Variants in GNA12 observed in about 807,000 individuals in gnomAD.
GNA12 encodes the protein G protein subunit alpha 12.
GNA12 carries 9 observed loss-of-function variants against 26.0 expected under a neutral mutation model. The observed-to-expected ratio is 0.35, with a 90% CI of 0.21 to 0.60. GNA12 has a LOEUF of 0.60. Ranked by LOEUF, GNA12 falls within the 20% of genes least tolerant of loss-of-function variation. The pLI, the probability that GNA12 is intolerant of heterozygous loss-of-function variation, is 0.78. For missense variants in GNA12, 405 were observed against 525.8 expected (o/e 0.77, Z 2.25); for synonymous variants, 264 against 219.6 (o/e 1.20, Z -1.79).
intron 1 of GNA12, among the ~76,000 whole-genome samples, chr7:2,824,094 C>G (rs1325847606): frequency 6.6e-6 from 1 of 152,194 alleles, no homozygotes; most frequent in Non-Finnish European, 1.5e-5. Context: ...AACATCAACA[C>G]TTTCACAACA....
intron 1 of GNA12, among the ~76,000 whole-genome samples, chr7:2,797,680 A>G (rs573169042): frequency 6.6e-6 from 1 of 152,288 alleles, no homozygotes; most frequent in East Asian, 1.9e-4. Flanking sequence ...ACTGAGTCAG[A>G]CGTAATGATG....
chr7:2,794,582 A>G (rs995005977), intron 2 of GNA12: 2 of 268,670 alleles, frequency 7.4e-6, no homozygotes, highest in East Asian at 1.9e-4. Flanking sequence ...CCACAGGTCC[A>G]AAGTGGGAAG....
chr7:2,843,919 G>A lies in GNA12; in HGVS notation c.243C>T (p.His81=), dbSNP rs1459043000. Residue 81 remains histidine (H), a synonymous_variant, in exon 1 of 4, where the codon CAC becomes CAT. Transcript: ENST00000275364. ...STFLKQMRII[H]GREFDQKALL... ...GCGCCTTCTGGTCGAACTCGCGGCCGTGGATGATGCGCATCTGCTTGAGGA... is the reference window on the plus strand; with the variant it reads ...GCGCCTTCTGGTCGAACTCGCGGCCATGGATGATGCGCATCTGCTTGAGGA... 1.3e-6 allele frequency: 2 copies of A among 1,589,038 alleles called. No individual in the cohort carries two copies. The highest frequency in any genetic ancestry group is 2.3e-5 in the East Asian group (1 of 42,720).
At chr7:2,745,949 C>T (rs966847113) in intron 2 of GNA12, among the ~76,000 whole-genome samples, 2 of 151,994 alleles carry the variant, frequency 1.3e-5, no homozygotes, top group African/African-American at 2.4e-5. Context: ...GTAAAGCGAT[C>T]AATTCAACAA....
intron 1 of GNA12, among the ~76,000 whole-genome samples, chr7:2,803,226 C>T (rs1369513081): frequency 1.3e-5 from 2 of 152,206 alleles, no homozygotes; most frequent in African/African-American, 2.4e-5. Flanking sequence ...AGCCCCATAA[C>T]TGGAAGGACA....
chr7:2,840,367 T>G lies in GNA12; in HGVS notation c.309+3486A>C, dbSNP rs147463280. ...CTCTATCCTCAATTTCCTCATTCAC[T>G]AAATGAGGTAATACCATCTGAAGCA... On this transcript the variant is annotated intron_variant, in intron 1 of 3. Transcript: ENST00000275364. Among the ~76,000 whole-genome samples, 13 of 152,330 alleles carry G rather than the reference T, an allele frequency of 8.5e-5. No homozygotes were observed. In the East Asian group the frequency reaches 1.9e-3, roughly 23 times the overall value.
rs1346890683 is a variant in GNA12, at chr7:2,729,919, A to G, written c.*1262T>C. 1 of 152,390 alleles carries G rather than the reference A, an allele frequency of 6.6e-6. No individual in the cohort carries two copies. Among genetic ancestry groups the G allele is most frequent in the East Asian group, 1.9e-4 (1 of 5,316 alleles). The allele number at this position is 152,390 out of a possible 1,614,324, so 9.4% of individuals were successfully genotyped here. A position where few individuals can be genotyped will look rare whatever the true frequency, so the allele number is the denominator to read the frequency against. ...GCCCAGGACTGGCCAGCTCGTATCA[A>G]CATTCACAGGCTCCCGCGGGCTCCC... On this transcript the variant is annotated 3_prime_UTR_variant, in exon 4 of 4. Coordinates refer to ENST00000275364, the MANE Select transcript of GNA12 (RefSeq NM_007353.3).
At chr7:2,734,998 G>A (rs904975095) in intron 2 of GNA12, among the ~76,000 whole-genome samples, 21 of 152,194 alleles carry the variant, frequency 1.4e-4, no homozygotes, top group African/African-American at 4.8e-4. Flanking sequence ...CCAGCGTGAG[G>A]CCGGTGGGGC....
At chr7:2,761,941 T>C (rs549843313) in intron 2 of GNA12, among the ~76,000 whole-genome samples, 1 of 152,046 alleles carries the variant, frequency 6.6e-6, no homozygotes, top group African/African-American at 2.4e-5. Context: ...AAGGGAAAAA[T>C]GTGGAGTGTC....
intron 1 of GNA12, among the ~76,000 whole-genome samples, chr7:2,796,021 C>G (rs2533885): frequency 2.6e-5 from 4 of 151,692 alleles, no homozygotes; most frequent in East Asian, 1.9e-4. Context: ...CAGACCACCA[C>G]GGACTGCTAA....
chr7:2,772,169 C>A (rs968895766), intron 2 of GNA12, among the ~76,000 whole-genome samples: 1 of 152,182 alleles, frequency 6.6e-6, no homozygotes, highest in African/African-American at 2.4e-5. Flanking sequence ...GGACTCATAT[C>A]GAGAATTCCC....
rs925471956 is a variant in GNA12 at position 2,731,047 on chromosome 7, C to A, written c.*134G>T. ...GCTCGCTGGCTGGCTGGTCTGACAG[C>A]ATTCCTGAGCCAGGTATTCCAGGGC... On this transcript the variant is annotated 3_prime_UTR_variant, in exon 4 of 4. Transcript: ENST00000275364. This position sits in a 1 kb window ranked among gnomAD's most constrained non-coding sequence, Gnocchi z 6.0. 2.2e-4 allele frequency: 134 copies of A among 614,210 alleles called. No individual in the cohort carries two copies. The highest frequency in any genetic ancestry group is 3.4e-4 in the Non-Finnish European group (120 of 351,684). The allele number at this position is 614,210 out of a possible 1,614,324, so 38.0% of individuals were successfully genotyped here.
intron 2 of GNA12, chr7:2,762,327 C>A: frequency 6.1e-6 from 2 of 330,340 alleles, no homozygotes; most frequent in African/African-American, 2.1e-5. Context: ...AGGCGCTGCG[C>A]GACTGCTGCT....
chr7:2,828,296 A>G (rs1344552253), intron 1 of GNA12, among the ~76,000 whole-genome samples: 15 of 152,242 alleles, frequency 9.9e-5, no homozygotes, highest in Admixed American at 5.2e-4. Context: ...GATTTGTACT[A>G]TAAAATAACT....
chr7:2,799,762 A>G (rs1583292081), intron 1 of GNA12, among the ~76,000 whole-genome samples: 1 of 152,188 alleles, frequency 6.6e-6, no homozygotes, highest in Non-Finnish European at 1.5e-5. Flanking sequence ...AGTGAAAAAG[A>G]TGTTCAAGAT....
chr7:2,810,243 C>G (rs1233196779), intron 1 of GNA12, among the ~76,000 whole-genome samples: 1 of 152,132 alleles, frequency 6.6e-6, no homozygotes, highest in African/African-American at 2.4e-5. Flanking sequence ...TTTCTGGCTC[C>G]TAGACGGTGA....
chr7:2,787,574 C>T (rs550301247), intron 2 of GNA12, among the ~76,000 whole-genome samples: 12 of 152,302 alleles, frequency 7.9e-5, no homozygotes, highest in South Asian at 2.1e-4. Flanking sequence ...CTGAGCTTTC[C>T]GGGAAACGCC....
At position 2,731,595 on chromosome 7, in the gene GNA12, C is replaced by A; in HGVS notation, c.732G>T (p.Gly244=). The change falls in exon 4 of 4, where the codon GGG becomes GGT. Residue 244 remains glycine, a synonymous_variant. Transcript: ENST00000275364. The surrounding 1 kb of genome is among the most constrained non-coding windows in gnomAD (Gnocchi z 6.0). Reference sequence around the variant, plus strand: ...AGACCATGAACAGGATGGACGTGATCCCGTCGAAGCACTGGAACCACTTCT... The same window carrying A: ...AGACCATGAACAGGATGGACGTGATACCGTCGAAGCACTGGAACCACTTCT... ...QRQKWFQCFD[G]ITSILFMVSS... is the part of the protein sequence containing the mutation. 6.2e-7 allele frequency: 1 copy of A among 1,613,748 alleles called. No individual in the cohort carries two copies. The highest frequency in any genetic ancestry group is 8.5e-7 in the Non-Finnish European group (1 of 1,179,814).
At chr7:2,825,718 G>A (rs892814682) in intron 1 of GNA12, among the ~76,000 whole-genome samples, 6 of 152,164 alleles carry the variant, frequency 3.9e-5, no homozygotes, top group Non-Finnish European at 1.5e-5. Flanking sequence ...TGGCGTTTGC[G>A]TCCAGGACAC....
Sources: allele counts gnomAD v4.1 joint callset (sites outside exome capture counted in the v4.1 genomes callset), GRCh38; gene constraint gnomAD v4.1.1; non-coding constraint Gnocchi (gnomAD v3.1); transcripts MANE v1.5; gene names NCBI Gene and HGNC (gene_info 2026-07-23, HGNC 2026-07-21).